The following PXN variants were observed in gnomAD, a reference collection of about 807,000 sequenced individuals.
PXN encodes testicular tissue protein Li 134.
A neutral mutation model predicts 103.6 loss-of-function variants in PXN; 61 were observed. The ratio of observed to expected loss-of-function variants is 0.59; its 90% confidence interval spans 0.48 to 0.73. The LOEUF (loss-of-function observed/expected upper bound fraction) is 0.73. Ranked by LOEUF, PXN falls within the 30% of genes least tolerant of loss-of-function variation. The probability of loss-of-function intolerance (pLI) is 0.00; values close to 1 mark genes in which losing one functional copy is unlikely to be tolerated. For missense variants in PXN, 1,274 were observed against 1,460.3 expected, an observed-to-expected ratio of 0.87 and a Z score of 2.08; for synonymous variants, 562 against 607.8, an observed-to-expected ratio of 0.92 and a Z score of 1.11.
At position 120,216,214 on chromosome 12, in the gene PXN, G is replaced by A; in HGVS notation, c.2301+59C>T. 16 of 1,269,672 alleles carry A rather than the reference G, an allele frequency of 1.3e-5. No individual in the cohort carries two copies. Among genetic ancestry groups the A allele is most frequent in the Non-Finnish European group, 1.6e-5 (16 of 1,011,256 alleles). The allele number at this position is 1,269,672 out of a possible 1,614,324, so 78.7% of individuals were successfully genotyped here. A position where few individuals can be genotyped will look rare whatever the true frequency, so the allele number is the denominator to read the frequency against. On this transcript the variant is annotated intron_variant, in intron 9 of 14. Coordinates refer to ENST00000637617, the MANE Select transcript of PXN (RefSeq NM_001385981.1). This position sits in a 1 kb window ranked among gnomAD's most constrained non-coding sequence, Gnocchi z 5.1. Reference sequence around the variant, plus strand: ...TGTGCACGTGTGTGTGTGCAGAGTGGGGGATGGCTCAGGCATTAGGACAGG... The same window carrying A: ...TGTGCACGTGTGTGTGTGCAGAGTGAGGGATGGCTCAGGCATTAGGACAGG...
At position 120,212,410 on chromosome 12, in the gene PXN, G is replaced by C; in HGVS notation, c.3150C>G (p.Val1050=). ...MAKKFHPEHF[V]CAFCLKQLNK... The stretch of plus-strand genomic sequence containing the variant: ...TGAGCTGCTTGAGGCAGAAGGCACA[G>C]ACGAAGTGCTCGGGGTGGAACTTCT... Residue 1050 remains valine (V), a synonymous_variant, in exon 15 of 15, where the codon GTC becomes GTG. Transcript: ENST00000637617. The surrounding 1 kb of genome is among the most constrained non-coding windows in gnomAD (Gnocchi z 7.2). 2 of 1,614,032 alleles carry C rather than the reference G, an allele frequency of 1.2e-6. No homozygotes were observed. The highest frequency in any genetic ancestry group is 1.1e-5 in the South Asian group (1 of 91,090).
Position 120,219,263 on chromosome 12 carries a change from A to T in PXN, c.1660T>A (p.Cys554Ser), listed in dbSNP as rs560444587. The T allele has an allele frequency of 1.2e-5, 19 of 1,598,250 alleles. No individual in the cohort carries two copies. The highest frequency in any genetic ancestry group is 1.5e-5 in the Non-Finnish European group (18 of 1,179,670). ...CTGGGTGTGCCCATGGCCATGGCAC[A>T]TGGAAGCTCTGGCTGTTCCTTCCCG... ...QDGKEQPELPCAMAMGTPSTT... is the reference protein window; with the variant it reads ...QDGKEQPELPSAMAMGTPSTT... The change falls in exon 7 of 15, where the codon TGT (cysteine) becomes AGT (serine). Residue 554 changes from cysteine to serine, a missense_variant. Transcript: ENST00000637617. The surrounding 1 kb of genome is among the most constrained non-coding windows in gnomAD (Gnocchi z 6.5).
At position 120,255,959 on chromosome 12, in the gene PXN, G is replaced by C. The variant is rs905103118; in HGVS notation, c.13+9658C>G. Among the ~76,000 whole-genome samples, 13 of 149,460 alleles carry C rather than the reference G, an allele frequency of 8.7e-5. No individual in the cohort carries two copies. In the East Asian group the frequency reaches 1.0e-3, roughly 12 times the overall value. Reference sequence around the variant, plus strand: ...AGCTACTGCGGACTGCGGGGGGTTGGGGGGGGTGGGGCGGAGGCAGGAGGA... The same window carrying C: ...AGCTACTGCGGACTGCGGGGGGTTGCGGGGGGTGGGGCGGAGGCAGGAGGA... On this transcript the variant is annotated intron_variant, in intron 1 of 14. Transcript: ENST00000637617.
Position 120,224,527 on chromosome 12 carries a change from C to T in PXN, c.14-150G>A. 1.3e-6 allele frequency: 1 copy of T among 750,160 alleles called. No individual in the cohort carries two copies. Among genetic ancestry groups the T allele is most frequent in the Non-Finnish European group, 2.4e-6 (1 of 416,594 alleles). 46.5% of individuals were successfully genotyped at this position (750,160 alleles called of 1,614,324 possible). A position where few individuals can be genotyped will look rare whatever the true frequency, so the allele number is the denominator to read the frequency against. ...AATGACCAGCCTTGGGACAGGAAGC[C>T]ACCAGCCCCGACCAGCCTAACCAAG... On this transcript the variant is annotated intron_variant, in intron 1 of 14. Transcript: ENST00000637617. This position sits in a 1 kb window ranked among gnomAD's most constrained non-coding sequence, Gnocchi z 5.0.
At position 120,215,800 on chromosome 12, in the gene PXN, G is replaced by A. The variant is rs569666809; in HGVS notation, c.2302-139C>T. The A allele has an allele frequency of 8.6e-6, 11 of 1,283,872 alleles. No homozygotes were observed. The African/African-American group carries it at 1.7e-4, about 20-fold the overall frequency. 79.5% of individuals were successfully genotyped at this position (1,283,872 alleles called of 1,614,324 possible). A position where few individuals can be genotyped will look rare whatever the true frequency, so the allele number is the denominator to read the frequency against. On this transcript the variant is annotated intron_variant, in intron 9 of 14. Coordinates refer to ENST00000637617, the MANE Select transcript of PXN (RefSeq NM_001385981.1). The surrounding 1 kb of genome is among the most constrained non-coding windows in gnomAD (Gnocchi z 4.9). ...CCCACCGGCAGGACCAAAATTGGGG[G>A]AAAAAATCTGGAGAAAAAGAGCCCT... is the stretch of plus-strand genomic sequence containing the variant.
In PXN at chr12:120,212,460, C is replaced by A. The variant is rs748626550; in HGVS notation, c.3100G>T (p.Gly1034Cys). The change falls in exon 15 of 15, where the codon GGC becomes TGC. Residue 1034 changes from glycine (G) to cysteine (C), a missense_variant. Physicochemically the swap from Gly to Cys is radical, Grantham distance 159. Coordinates refer to ENST00000637617, the MANE Select transcript of PXN (RefSeq NM_001385981.1). This position sits in a 1 kb window ranked among gnomAD's most constrained non-coding sequence, Gnocchi z 7.2. ...TTGGCCATGGCGGTGATGCAGCGGCCGGTGATGGGCTTCTGGCAGCCAGAA... is the reference window on the plus strand; with the variant it reads ...TTGGCCATGGCGGTGATGCAGCGGCAGGTGATGGGCTTCTGGCAGCCAGAA... ...LCSGCQKPIT[G>C]RCITAMAKKF... 6.2e-7 allele frequency: 1 copy of A among 1,613,982 alleles called. No individual in the cohort carries two copies. Among genetic ancestry groups the A allele is most frequent in the South Asian group, 1.1e-5 (1 of 91,084 alleles).
Position 120,265,495 on chromosome 12 carries a change from CAGGAGCTGAGGCCGGGGCCGCCG to C in PXN, c.13+99_13+121del. 1 of 1,166,956 alleles carries C rather than the reference CAGGAGCTGAGGCCGGGGCCGCCG, an allele frequency of 8.6e-7. No individual in the cohort carries two copies. Among genetic ancestry groups the C allele is most frequent in the South Asian group, 1.7e-5 (1 of 57,782 alleles). The allele number at this position is 1,166,956 out of a possible 1,614,324, so 72.3% of individuals were successfully genotyped here. On this transcript the variant is annotated intron_variant, in intron 1 of 14. Transcript: ENST00000637617. The surrounding 1 kb of genome is among the most constrained non-coding windows in gnomAD (Gnocchi z 5.7). ...CCCGCGGAGCCCCGGCCGGCAGGGA[CAGGAGCTGAGGCCGGGGCCGCCG>C]AGGGTGGGATCCCGCGGCCCCTGCC... is the stretch of plus-strand genomic sequence containing the variant.
At chr12:120,231,831 A>G (rs537227606) in intron 1 of PXN, among the ~76,000 whole-genome samples, 71 of 152,328 alleles carry the variant, frequency 4.7e-4, no homozygotes, top group African/African-American at 1.5e-3. Context: ...TGCCAGGCCC[A>G]TCTGCACCAG....
chr12:120,252,770 C>A (rs1892391536), intron 1 of PXN, among the ~76,000 whole-genome samples: 1 of 152,102 alleles, frequency 6.6e-6, no homozygotes, highest in Admixed American at 6.6e-5. Context: ...ACAGAGTACA[C>A]ACATCCCATG....
chr12:120,254,174 C>T (rs1384617162), intron 1 of PXN, among the ~76,000 whole-genome samples: 1 of 152,086 alleles, frequency 6.6e-6, no homozygotes. Context: ...CCACCACGTC[C>T]AGTCCAATAT....
chr12:120,226,736 C>G (rs1243102249), intron 1 of PXN: 3 of 1,094,018 alleles, frequency 2.7e-6, no homozygotes, highest in Non-Finnish European at 2.2e-6. Flanking sequence ...CGAGCCAGAC[C>G]TGAGTTCAAG....
chr12:120,215,229 C>A lies in PXN; in HGVS notation c.2448G>T (p.Gly816=). ...GKTGSSSPPG[G]PPKPGSQLDS... is the part of the protein sequence containing the mutation. ...CCAGCTGGCTCCCGGGCTTCGGGGGCCCCCCAGGGGGTGAGCTGCTCCCTG... is the reference window on the plus strand; with the variant it reads ...CCAGCTGGCTCCCGGGCTTCGGGGGACCCCCAGGGGGTGAGCTGCTCCCTG... The change falls in exon 11 of 15, where the codon GGG becomes GGT. Residue 816 remains glycine (G), a synonymous_variant. Coordinates refer to ENST00000637617, the MANE Select transcript of PXN (RefSeq NM_001385981.1). The surrounding 1 kb of genome is among the most constrained non-coding windows in gnomAD (Gnocchi z 4.9). 1 of 1,589,966 alleles carries A rather than the reference C, an allele frequency of 6.3e-7. No homozygotes were observed.
intron 1 of PXN, chr12:120,226,034 G>A: frequency 9.3e-7 from 1 of 1,076,064 alleles, no homozygotes; most frequent in Non-Finnish European, 1.1e-6. Flanking sequence ...GTCCCATGGA[G>A]GAGGCCTGGC....
At position 120,215,573 on chromosome 12, in the gene PXN, T is replaced by C. The variant is rs1272131404; in HGVS notation, c.2390A>G (p.Gln797Arg). 1.9e-6 allele frequency: 3 copies of C among 1,598,418 alleles called. No homozygotes were observed. Among genetic ancestry groups the C allele is most frequent in the African/African-American group, 2.7e-5 (2 of 74,306 alleles). Residue 797 changes from glutamine (Q) to arginine (R), a missense_variant, in exon 10 of 15, where the codon CAG becomes CGG. Coordinates refer to ENST00000637617, the MANE Select transcript of PXN (RefSeq NM_001385981.1). This position sits in a 1 kb window ranked among gnomAD's most constrained non-coding sequence, Gnocchi z 4.9. The part of the protein sequence containing the change: ...RDGGRSSPGG[Q>R]DEGGFMAQGK... ...CTTGGCACTGACCCCTCCCTCGTCC[T>C]GCCCTCCGGGGCTGCTCCGCCCGCC...
rs1882728150 is a variant in PXN, at chr12:120,215,816, A to G, written c.2302-155T>C. On this transcript the variant is annotated intron_variant, in intron 9 of 14. Transcript: ENST00000637617. The surrounding 1 kb of genome is among the most constrained non-coding windows in gnomAD (Gnocchi z 4.9). ...AAATTGGGGGAAAAAATCTGGAGAA[A>G]AAGAGCCCTGAGAGAGAGGCCTAGG... 5 of 1,291,710 alleles carry G rather than the reference A, an allele frequency of 3.9e-6. No individual in the cohort carries two copies. The highest frequency in any genetic ancestry group is 3.4e-5 in the South Asian group (2 of 59,366). 80.0% of individuals were successfully genotyped at this position (1,291,710 alleles called of 1,614,324 possible).
chr12:120,265,372 G>A lies in PXN; in HGVS notation c.13+245C>T, dbSNP rs867115113. Among the ~76,000 whole-genome samples the A allele has an allele frequency of 1.3e-5, 2 of 152,130 alleles. No individual in the cohort carries two copies. The highest frequency in any genetic ancestry group is 4.8e-5 in the African/African-American group (2 of 41,436). ...TGGTGATGGGTCCCCGAGGTCGGGG[G>A]TCCAGAGGTGAAGCCGTCCCAGACG... On this transcript the variant is annotated intron_variant, in intron 1 of 14. Transcript: ENST00000637617. The surrounding 1 kb of genome is among the most constrained non-coding windows in gnomAD (Gnocchi z 5.7).
intron 1 of PXN, among the ~76,000 whole-genome samples, chr12:120,257,684 G>T (rs1415805580): frequency 6.6e-6 from 1 of 152,214 alleles, no homozygotes; most frequent in South Asian, 2.1e-4. Context: ...GGGACCAAGG[G>T]AGTGGGGATT....
At position 120,211,897 on chromosome 12, in the gene PXN, TC is replaced by T; in HGVS notation, c.*416del. The T allele has an allele frequency of 1.9e-6, 1 of 520,934 alleles. No homozygotes were observed. The highest frequency in any genetic ancestry group is 1.4e-5 in the South Asian group (1 of 71,198). 32.3% of individuals were successfully genotyped at this position (520,934 alleles called of 1,614,324 possible). A position where few individuals can be genotyped will look rare whatever the true frequency, so the allele number is the denominator to read the frequency against. On this transcript the variant is annotated 3_prime_UTR_variant, in exon 15 of 15. Coordinates refer to ENST00000637617, the MANE Select transcript of PXN (RefSeq NM_001385981.1). ...TAATCACAGAACAAAGACAATTAGGTCGGGGGAGGAATAAGGATAAAAAGAG... is the reference window on the plus strand; with the variant it reads ...TAATCACAGAACAAAGACAATTAGGTGGGGGAGGAATAAGGATAAAAAGAG...
chr12:120,216,615 A>G lies in PXN; in HGVS notation c.1993-34T>C. 5 of 1,504,958 alleles carry G rather than the reference A, an allele frequency of 3.3e-6. No individual in the cohort carries two copies. Among genetic ancestry groups the G allele is most frequent in the Non-Finnish European group, 4.4e-6 (5 of 1,142,984 alleles). The allele number at this position is 1,504,958 out of a possible 1,614,324, so 93.2% of individuals were successfully genotyped here. A position where few individuals can be genotyped will look rare whatever the true frequency, so the allele number is the denominator to read the frequency against. ...AAGAAAGGAGGGAGAGCGATGAGGA[A>G]GAAATCGCCAGCTCAGCCCACAGGG... On this transcript the variant is annotated intron_variant, in intron 8 of 14. Coordinates refer to ENST00000637617, the MANE Select transcript of PXN (RefSeq NM_001385981.1). This position sits in a 1 kb window ranked among gnomAD's most constrained non-coding sequence, Gnocchi z 5.1.
Sources: allele counts gnomAD v4.1 joint callset (sites outside exome capture counted in the v4.1 genomes callset), GRCh38; gene constraint gnomAD v4.1.1; non-coding constraint Gnocchi (gnomAD v3.1); transcripts MANE v1.5; gene names NCBI Gene and HGNC (gene_info 2026-07-23, HGNC 2026-07-21).